Variants in CCNL2 observed in about 807,000 individuals in gnomAD.
CCNL2 encodes the protein cyclin L2.
In CCNL2, 28 loss-of-function variants were observed where a neutral mutation model predicts 59.1. The ratio of observed to expected loss-of-function variants is 0.47; its 90% confidence interval spans 0.35 to 0.65. CCNL2 has a LOEUF of 0.65. Among genes scored for constraint, CCNL2 ranks in the 30% least tolerant of loss-of-function variants. The pLI, the probability that CCNL2 is intolerant of heterozygous loss-of-function variation, is 0.00. For synonymous variants in CCNL2, 342 were observed against 288.6 expected (o/e 1.19, Z -1.88); for missense variants, 714 against 717.4 (o/e 1.00, Z 0.05).
rs1644572491 is a variant in CCNL2, at chr1:1,388,357, C to T, written c.1007-292G>A. 4 of 417,574 alleles carry T rather than the reference C, an allele frequency of 9.6e-6. No individual in the cohort carries two copies. The Admixed American group carries it at 1.4e-4, about 15-fold the overall frequency. The allele number at this position is 417,574 out of a possible 1,614,324, so 25.9% of individuals were successfully genotyped here. Reference sequence around the variant, plus strand: ...CCAACATGGTGAAACCCCATCTCTACTAAAACTACAAAAATTAGCTGGGCT... The same window carrying T: ...CCAACATGGTGAAACCCCATCTCTATTAAAACTACAAAAATTAGCTGGGCT... On this transcript the variant is annotated intron_variant, in intron 8 of 10. Coordinates refer to ENST00000400809, the MANE Select transcript of CCNL2 (RefSeq NM_030937.6).
At chr1:1,396,756 T>A (rs958343929) in intron 3 of CCNL2, among the ~76,000 whole-genome samples, 41 of 150,086 alleles carry the variant, frequency 2.7e-4, no homozygotes, top group African/African-American at 6.6e-4. Context: ...ATTTTTTTTT[T>A]ATTTTTTTTT....
At chr1:1,398,153 T>C (rs1189633168) in intron 3 of CCNL2, 80 bp downstream of exon 3, 53 of 1,353,402 alleles carry the variant, frequency 3.9e-5, no homozygotes, top group Non-Finnish European at 5.1e-5. Context: ...TGTATTGTGT[T>C]ATACAAGCCT....
intron 8 of CCNL2, 87 bp from the exon 9 acceptor site, chr1:1,388,152 A>G: frequency 9.9e-7 from 1 of 1,010,722 alleles, no homozygotes; most frequent in East Asian, 2.4e-5. Flanking sequence ...AGGCCCCTCT[A>G]CAGGTCAAAC....
chr1:1,389,462 T>C (rs1197164683), intron 8 of CCNL2: 1 of 152,180 alleles, frequency 6.6e-6, no homozygotes, highest in Non-Finnish European at 1.5e-5. Flanking sequence ...AACACCTTCA[T>C]CAGATGACAA....
chr1:1,399,175 C>A lies in CCNL2; in HGVS notation c.132G>T (p.Gly44=). The change falls in exon 1 of 11, where the codon GGG becomes GGT. Residue 44 remains glycine (G), a synonymous_variant. Coordinates refer to ENST00000400809, the MANE Select transcript of CCNL2 (RefSeq NM_030937.6). The stretch of plus-strand genomic sequence containing the variant: ...GGCAGTTCTCCAAGGTGATGAGCAC[C>A]CCGGAGTACAGCCTGTCCCCGATCA... ...GVLIGDRLYS[G]VLITLENCLL... is the part of the protein sequence containing the mutation. 5 of 1,611,374 alleles carry A rather than the reference C, an allele frequency of 3.1e-6. No homozygotes were observed. Among genetic ancestry groups the A allele is most frequent in the Non-Finnish European group, 4.2e-6 (5 of 1,179,218 alleles).
At chr1:1,398,526 C>A in intron 2 of CCNL2, 71 bp downstream of exon 2, 1 of 1,583,852 alleles carries the variant, frequency 6.3e-7, no homozygotes, top group Non-Finnish European at 8.7e-7. Context: ...CCCTTAGTAA[C>A]CGGGCAAAGT....
chr1:1,396,956 C>G (rs1423781171), intron 3 of CCNL2, among the ~76,000 whole-genome samples: 2 of 151,730 alleles, frequency 1.3e-5, no homozygotes, highest in Non-Finnish European at 2.9e-5. Flanking sequence ...ACCGTGTTAG[C>G]CAGGATGGTC....
At chr1:1,397,112 C>T (rs1409872376) in intron 3 of CCNL2, among the ~76,000 whole-genome samples, 1 of 152,108 alleles carries the variant, frequency 6.6e-6, no homozygotes, top group African/African-American at 2.4e-5. Flanking sequence ...GAACTCCTGA[C>T]CTTAGGTGAT....
Position 1,395,511 on chromosome 1 carries a change from C to T in CCNL2, c.477G>A (p.Lys159=). The change falls in exon 4 of 11, where the codon AAG becomes AAA. Residue 159 remains lysine, a synonymous_variant. Coordinates refer to ENST00000400809, the MANE Select transcript of CCNL2 (RefSeq NM_030937.6). ...HRLRQLRDKK[K]PVPLLLDQDY... ...CTTGATCCAGTAGTAGAGGCACGGG[C>T]TTCCTGCCAGAGAGAGAGCACAGGG... 4 of 1,614,020 alleles carry T rather than the reference C, an allele frequency of 2.5e-6. No individual in the cohort carries two copies. The highest frequency in any genetic ancestry group is 3.4e-6 in the Non-Finnish European group (4 of 1,180,020).
At chr1:1,398,765 A>G in intron 1 of CCNL2, 94 bp from the exon 2 acceptor site, 2 of 1,292,490 alleles carry the variant, frequency 1.5e-6, no homozygotes, top group Non-Finnish European at 2.2e-6. Flanking sequence ...CCCACGCAGA[A>G]CCAAACACTG....
chr1:1,395,122 C>T (rs1262978971), intron 4 of CCNL2: 1 of 370,790 alleles, frequency 2.7e-6, no homozygotes, highest in Non-Finnish European at 4.8e-6. Flanking sequence ...AACTAAAATT[C>T]AACATTTATA....
exon 1 of CCNL2, chr1:1,399,319 ACTCCCCTTCGGCTTCTTCCCT>A (rs1645245177): frequency 3.5e-6 from 5 of 1,429,826 alleles, no homozygotes; most frequent in Non-Finnish European, 4.5e-6. Context: ...TGTGCCGCCG[ACTCCCCTTCGGCTTCTTCCCT>A]CAGGGCGGCT....
intron 5 of CCNL2, 134 bp downstream of exon 5, chr1:1,393,262 G>A (rs1644844235): frequency 2.7e-6 from 2 of 733,494 alleles, no homozygotes; most frequent in Non-Finnish European, 2.4e-6. Context: ...TTATACAGCA[G>A]GAGCACTGGG....
At chr1:1,394,118 C>G (rs1644886925) in intron 4 of CCNL2, among the ~76,000 whole-genome samples, 1 of 150,354 alleles carries the variant, frequency 6.7e-6, no homozygotes, top group African/African-American at 2.5e-5. Flanking sequence ...GAGCGAGATT[C>G]CGTCTCCAAA....
intron 4 of CCNL2, among the ~76,000 whole-genome samples, chr1:1,394,169 G>A (rs1644891601): frequency 1.3e-5 from 2 of 151,550 alleles, no homozygotes; most frequent in African/African-American, 4.9e-5. Flanking sequence ...GGCAATTTGT[G>A]GATAATTTGA....
chr1:1,388,511 C>G (rs1437077837), intron 8 of CCNL2: 1 of 454,256 alleles, frequency 2.2e-6, no homozygotes, highest in Non-Finnish European at 4.4e-6. Flanking sequence ...CAGCGAGACT[C>G]TGTCTCAAGA....
In CCNL2 at chr1:1,387,275, G is replaced by A. The variant is rs370956539; in HGVS notation, c.1519C>T (p.Arg507Cys). Residue 507 changes from arginine (R) to cysteine (C), a missense_variant, in exon 11 of 11, where the codon CGC (arginine) becomes TGC (cysteine). This residue lies in a region of CCNL2 where 403 missense variants were observed against 377.7 expected (regional missense o/e 1.07). Transcript: ENST00000400809. The part of the protein sequence containing the change: ...RSRSYERTGR[R>C]YERDHPGHSR... Reference sequence around the variant, plus strand: ...TGCCCAGGGTGGTCCCGCTCATAGCGACGGCCTGTGCGTTCATACGACCTC... The same window carrying A: ...TGCCCAGGGTGGTCCCGCTCATAGCAACGGCCTGTGCGTTCATACGACCTC... The A allele has an allele frequency of 6.7e-5, 108 of 1,611,896 alleles. No individual in the cohort carries two copies. Among genetic ancestry groups the A allele is most frequent in the Admixed American group, 5.8e-4 (35 of 60,030 alleles).
chr1:1,398,966 CG>C, intron 1 of CCNL2, 52 bp downstream of exon 1: 1 of 1,514,386 alleles, frequency 6.6e-7, no homozygotes, highest in Non-Finnish European at 8.8e-7. Context: ...CCAACAAAGG[CG>C]GCTGCCGCCC....
intron 4 of CCNL2, among the ~76,000 whole-genome samples, chr1:1,394,327 G>A (rs1644901175): frequency 6.6e-6 from 1 of 152,136 alleles, no homozygotes; most frequent in Non-Finnish European, 1.5e-5. Context: ...GTGAGGGACC[G>A]TGTCACGGCC....
Sources: gnomAD v4.1 joint callset for allele counts (sites outside exome capture counted in the v4.1 genomes callset) on GRCh38, gnomAD v4.1.1 for gene constraint, gnomAD v4.1.1 regional missense constraint, MANE v1.5 for transcripts, NCBI Gene and HGNC (gene_info 2026-07-23, HGNC 2026-07-21) for gene names.